Variants in SLC39A11 observed in about 807,000 individuals in gnomAD.
SLC39A11 encodes the protein solute carrier family 39 member 11, also known as zinc transporter ZIP11.
SLC39A11 carries 33 observed loss-of-function variants against 36.1 expected under a neutral mutation model. The observed-to-expected ratio is 0.91, with a 90% CI of 0.69 to 1.22. The LOEUF (loss-of-function observed/expected upper bound fraction) is 1.22, where lower values mean the gene tolerates loss of function less well. Among genes scored for constraint, SLC39A11 ranks in the 50% most tolerant of loss-of-function variants. The probability of loss-of-function intolerance (pLI) is 0.00; values close to 1 mark genes in which losing one functional copy is unlikely to be tolerated. For synonymous variants in SLC39A11, 166 were observed against 170.3 expected, an observed-to-expected ratio of 0.97 and a Z score of 0.20; for missense variants, 432 against 430.3, an observed-to-expected ratio of 1.00 and a Z score of -0.03.
At chr17:72,774,736 T>C (rs912748530) in intron 6 of SLC39A11, among the ~76,000 whole-genome samples, 2 of 152,196 alleles carry the variant, frequency 1.3e-5, no homozygotes, top group Admixed American at 6.5e-5. Context: ...AAAAAACTTA[T>C]TTGAAGAGGA....
intron 7 of SLC39A11, among the ~76,000 whole-genome samples, chr17:72,707,473 A>G (rs1396146249): frequency 2.0e-5 from 3 of 152,214 alleles, no homozygotes; most frequent in Non-Finnish European, 4.4e-5. Flanking sequence ...CAACTGACAC[A>G]ATGTGGACCT....
intron 6 of SLC39A11, among the ~76,000 whole-genome samples, chr17:72,743,459 A>T (rs1210341695): frequency 5.3e-5 from 8 of 152,180 alleles, no homozygotes; most frequent in African/African-American, 1.7e-4. Flanking sequence ...TTTGCAAAGG[A>T]GCAGGTCCTT....
chr17:72,931,173 G>C (rs1434382342), intron 5 of SLC39A11, among the ~76,000 whole-genome samples: 4 of 152,170 alleles, frequency 2.6e-5, no homozygotes, highest in African/African-American at 9.7e-5. Flanking sequence ...CAAAAAGAGA[G>C]GTACAGAGAG....
intron 3 of SLC39A11, among the ~76,000 whole-genome samples, chr17:73,070,272 C>T (rs1184852745): frequency 6.6e-6 from 1 of 152,144 alleles, no homozygotes; most frequent in South Asian, 2.1e-4. Flanking sequence ...ACAAATGCCC[C>T]CAACCCAGGC....
intron 4 of SLC39A11, among the ~76,000 whole-genome samples, chr17:73,012,220 G>C (rs1242022522): frequency 6.6e-6 from 1 of 151,938 alleles, no homozygotes; most frequent in Non-Finnish European, 1.5e-5. Context: ...ACGTTGCAGT[G>C]AGCCAAGATC....
intron 6 of SLC39A11, among the ~76,000 whole-genome samples, chr17:72,828,474 A>G (rs910748233): frequency 5.3e-5 from 8 of 152,224 alleles, no homozygotes; most frequent in African/African-American, 1.7e-4. Flanking sequence ...AGTAGGAGTG[A>G]AATGGAGGCA....
chr17:72,929,380 C>G (rs2084247176), intron 5 of SLC39A11, among the ~76,000 whole-genome samples: 1 of 152,152 alleles, frequency 6.6e-6, no homozygotes, highest in Non-Finnish European at 1.5e-5. Context: ...ATGCCAATAA[C>G]CCAATAGTGT....
At chr17:72,810,088 A>C (rs956700415) in intron 6 of SLC39A11, among the ~76,000 whole-genome samples, 3 of 151,194 alleles carry the variant, frequency 2.0e-5, no homozygotes, top group East Asian at 1.9e-4. Flanking sequence ...AAACAACAAA[A>C]AAAAAAAAAA....
chr17:73,069,998 C>T (rs745344647), intron 3 of SLC39A11, among the ~76,000 whole-genome samples: 5 of 152,186 alleles, frequency 3.3e-5, no homozygotes, highest in African/African-American at 9.7e-5. Context: ...AGTATTGGCC[C>T]GTCTGATGGC....
At chr17:72,666,184 G>A (rs1027150297) in intron 7 of SLC39A11, among the ~76,000 whole-genome samples, 12 of 152,222 alleles carry the variant, frequency 7.9e-5, no homozygotes, top group Non-Finnish European at 5.9e-5. Flanking sequence ...CCTAAACAAC[G>A]AGGGTATTGT....
intron 7 of SLC39A11, among the ~76,000 whole-genome samples, chr17:72,724,589 G>GCC (rs1250190899): frequency 6.6e-6 from 1 of 152,118 alleles, no homozygotes; most frequent in East Asian, 1.9e-4. Flanking sequence ...GGAGGAAAGA[G>GCC]CCCCAGGGTT....
At chr17:72,972,415 G>A (rs900218297) in intron 4 of SLC39A11, among the ~76,000 whole-genome samples, 2 of 152,160 alleles carry the variant, frequency 1.3e-5, no homozygotes, top group African/African-American at 4.8e-5. Flanking sequence ...TATTTACTCA[G>A]TGAAAGCAGT....
chr17:72,865,925 G>T (rs115137980), intron 5 of SLC39A11, among the ~76,000 whole-genome samples: 1 of 152,088 alleles, frequency 6.6e-6, no homozygotes, highest in African/African-American at 2.4e-5. Context: ...TTAGATAGTC[G>T]GATATTGGCT....
At chr17:73,059,646 A>G (rs1175333928) in intron 3 of SLC39A11, among the ~76,000 whole-genome samples, 2 of 128,324 alleles carry the variant, frequency 1.6e-5, no homozygotes, top group Non-Finnish European at 3.3e-5. Flanking sequence ...CAAGACTGAA[A>G]CTGTCTCCAA....
At chr17:72,872,947 C>T (rs2080717651) in intron 5 of SLC39A11, among the ~76,000 whole-genome samples, 1 of 150,316 alleles carries the variant, frequency 6.7e-6, no homozygotes, top group Non-Finnish European at 1.5e-5. Flanking sequence ...CCCAGCTACT[C>T]GGAGGCTGAG....
intron 6 of SLC39A11, among the ~76,000 whole-genome samples, chr17:72,792,663 C>A (rs2076751360): frequency 6.6e-6 from 1 of 152,174 alleles, no homozygotes; most frequent in Non-Finnish European, 1.5e-5. Context: ...AGGCACACTG[C>A]ACACCTCTGT....
rs540868476 is a variant in SLC39A11 at position 73,020,894 on chromosome 17, T to A, written c.306+10662A>T. On this transcript the variant is annotated intron_variant, in intron 4 of 9. Transcript: ENST00000255559. ...GACAGGGTTTTACCATATTGGCCAG[T>A]CTGGTCTCGAACTCCTGACCTTGTG... 5.3e-5 allele frequency among the ~76,000 whole-genome samples: 8 copies of A among 152,092 alleles called. No homozygotes were observed. The East Asian group carries it at 1.5e-3, about 29-fold the overall frequency.
intron 7 of SLC39A11, among the ~76,000 whole-genome samples, chr17:72,672,275 C>T (rs2071056895): frequency 6.6e-6 from 1 of 152,106 alleles, no homozygotes; most frequent in Non-Finnish European, 1.5e-5. Context: ...ACAGTGAAAC[C>T]TTGACTCTAC....
intron 6 of SLC39A11, among the ~76,000 whole-genome samples, chr17:72,773,234 C>T (rs1322081191): frequency 6.6e-6 from 1 of 152,224 alleles, no homozygotes; most frequent in East Asian, 1.9e-4. Flanking sequence ...CAGCCTGGTT[C>T]ACCACTCTGA....
Sources: allele counts gnomAD v4.1 joint callset (sites outside exome capture counted in the v4.1 genomes callset), GRCh38; gene constraint gnomAD v4.1.1; transcripts MANE v1.5; gene names NCBI Gene and HGNC (gene_info 2026-07-23, HGNC 2026-07-21).